The following COG2 variants were observed in gnomAD, a reference collection of about 807,000 sequenced individuals.
The protein encoded by COG2 is component of oligomeric golgi complex 2.
A neutral mutation model predicts 90.6 loss-of-function variants in COG2; 52 were observed. The ratio of observed to expected loss-of-function variants is 0.57; its 90% confidence interval spans 0.46 to 0.72. The LOEUF is 0.72. Ranked by LOEUF, COG2 falls within the 30% of genes least tolerant of loss-of-function variation. The probability of loss-of-function intolerance (pLI) is 0.00; values close to 1 mark genes in which losing one functional copy is unlikely to be tolerated. For synonymous variants in COG2, 337 were observed against 320.4 expected (o/e 1.05, Z -0.55); for missense variants, 829 against 891.2 (o/e 0.93, Z 0.89).
chr1:230,675,006 G>A lies in COG2; in HGVS notation c.908G>A (p.Gly303Asp), dbSNP rs1662549172. The stretch of plus-strand genomic sequence containing the variant: ...GTGCCCTTATTTTACAGTGAAAAAG[G>A]CAATACTGTTCCTGGATATGACTTT... The part of the protein sequence containing the change: ...VTGGAISSEK[G>D]NTVPGYDFLV... Residue 303 changes from glycine to aspartate, a missense_variant, in exon 9 of 18, where the codon GGC becomes GAC. Transcript: ENST00000366669. 6.2e-7 allele frequency: 1 copy of A among 1,608,334 alleles called. No individual in the cohort carries two copies. Among genetic ancestry groups the A allele is most frequent in the South Asian group, 1.1e-5 (1 of 89,674 alleles).
rs1236026918 is a variant in COG2 at position 230,688,494 on chromosome 1, A to C, written c.1726A>C (p.Ser576Arg). Residue 576 changes from serine (S) to arginine (R), a missense_variant, in exon 15 of 18, where the codon AGT becomes CGT. By Grantham distance (110) the Ser-to-Arg change is moderately radical. Transcript: ENST00000366669. Reference sequence around the variant, plus strand: ...GAGTAGCAAGATCATCCAGGATTTAAGTGACTCTTGCTTCGGTTTCCTAAA... The same window carrying C: ...GAGTAGCAAGATCATCCAGGATTTACGTGACTCTTGCTTCGGTTTCCTAAA... ...SLSSKIIQDL[S>R]DSCFGFLKSA... 6.2e-7 allele frequency: 1 copy of C among 1,614,116 alleles called. No individual in the cohort carries two copies. The highest frequency in any genetic ancestry group is 1.1e-5 in the South Asian group (1 of 91,070).
chr1:230,685,427 G>A (rs1418009167), intron 12 of COG2, among the ~76,000 whole-genome samples, 191 bp downstream of exon 12: 1 of 152,020 alleles, frequency 6.6e-6, no homozygotes, highest in African/African-American at 2.4e-5. Context: ...ATTGCATTTA[G>A]GGGTGTCTAT....
chr1:230,645,728 C>G (rs11122566), intron 1 of COG2, among the ~76,000 whole-genome samples: 108,875 of 152,098 alleles, frequency 0.72, 39,462 homozygotes, highest in East Asian at 0.95. Flanking sequence ...GGAGCTCTGA[C>G]CTTGTTTTCT....
intron 5 of COG2, among the ~76,000 whole-genome samples, chr1:230,668,289 A>G (rs1315853964): frequency 6.6e-6 from 1 of 152,074 alleles, no homozygotes; most frequent in African/African-American, 2.4e-5. Context: ...AGAGGGAAAT[A>G]GAAGGGAGGT....
In COG2 at chr1:230,691,538, C is replaced by T; in HGVS notation, c.2089C>T (p.Leu697=). ...DDDKIRLQLA[L]DVEYLGEQIQ... ...CGACAAAATCAGGCTGCAGTTGGCC[C>T]TAGATGTTGAGTACTTGGGAGAGCA... Residue 697 remains leucine (L), a synonymous_variant, in exon 17 of 18, where the codon CTA becomes TTA. Transcript: ENST00000366669. 1 of 1,614,008 alleles carries T rather than the reference C, an allele frequency of 6.2e-7. No individual in the cohort carries two copies. Among genetic ancestry groups the T allele is most frequent in the Non-Finnish European group, 8.5e-7 (1 of 1,179,988 alleles).
At chr1:230,649,445 A>T (rs760801009) in intron 1 of COG2, among the ~76,000 whole-genome samples, 3 of 152,168 alleles carry the variant, frequency 2.0e-5, no homozygotes, top group Non-Finnish European at 4.4e-5. Flanking sequence ...TGCCTTCATG[A>T]CATTCAGATC....
chr1:230,687,062 AG>A lies in COG2; in HGVS notation c.1509del (p.Lys503AsnfsTer31), dbSNP rs765135236. The A allele has an allele frequency of 6.8e-6, 11 of 1,613,052 alleles. No homozygotes were observed. The highest frequency in any genetic ancestry group is 4.0e-5 in the African/African-American group (3 of 74,904). ...CAAGGAAGTGGTCCTTCGGAAACAA[AG>A]CCTGTGGTTTCCATTTCCCGCACTC... ...EDQGSGPSET[K>X]PVVSISRTQL... On this transcript the variant is annotated frameshift_variant, in exon 13 of 18. Coordinates refer to ENST00000366669, the MANE Select transcript of COG2 (RefSeq NM_007357.3). LOFTEE classifies it high-confidence loss of function.
At position 230,675,088 on chromosome 1, in the gene COG2, G is replaced by C. The variant is rs144025811; in HGVS notation, c.990G>C (p.Ser330=). The change falls in exon 9 of 18, where the codon TCG becomes TCC. Residue 330 remains serine, a synonymous_variant. Coordinates refer to ENST00000366669, the MANE Select transcript of COG2 (RefSeq NM_007357.3). ...IVQGLEEKLP[S]LFNPGNPDAF... ...AAGGATTAGAAGAAAAGTTACCCTC[G>C]CTTTTTAATCCTGGGAATCCCGATG... The C allele has an allele frequency of 4.3e-6, 7 of 1,612,176 alleles. No homozygotes were observed. The African/African-American group carries it at 6.7e-5, about 15-fold the overall frequency.
rs1251782252 is a variant in COG2 at position 230,654,617 on chromosome 1, T to C, written c.73-4847T>C. Among the ~76,000 whole-genome samples the C allele has an allele frequency of 2.6e-5, 4 of 151,988 alleles. No individual in the cohort carries two copies. The East Asian group carries it at 7.7e-4, about 29-fold the overall frequency. On this transcript the variant is annotated intron_variant, in intron 1 of 17. Transcript: ENST00000366669. ...GCGAGCTCTTCTTTGAGAAGACTTT[T>C]TCCAATTCTGTGAAAAAAGTCAATG...
intron 10 of COG2, chr1:230,681,475 G>A (rs77412700): frequency 1.3e-5 from 2 of 151,836 alleles, no homozygotes; most frequent in Non-Finnish European, 2.9e-5. Flanking sequence ...ACTTAATGAT[G>A]TTTCCAATAC....
intron 1 of COG2, among the ~76,000 whole-genome samples, chr1:230,653,002 A>G (rs944285096): frequency 2.0e-5 from 3 of 152,106 alleles, no homozygotes; most frequent in African/African-American, 7.2e-5. Context: ...CCCTCTTTTT[A>G]TAGTGAGAAC....
At position 230,691,887 on chromosome 1, in the gene COG2, C is replaced by T. The variant is rs79056442; in HGVS notation, c.2115+323C>T. ...GTGCCTGATACTTAATTGGTGCGAACCCCAGGCTTTTGAAATGCTTGCTGG... is the reference window on the plus strand; with the variant it reads ...GTGCCTGATACTTAATTGGTGCGAATCCCAGGCTTTTGAAATGCTTGCTGG... On this transcript the variant is annotated intron_variant, in intron 17 of 17. Coordinates refer to ENST00000366669, the MANE Select transcript of COG2 (RefSeq NM_007357.3). 6.0e-3 allele frequency: 1,339 copies of T among 224,890 alleles called. 14 individuals carry two copies. Among genetic ancestry groups the T allele is most frequent in the African/African-American group, 0.028 (1,233 of 44,242 alleles). The allele number at this position is 224,890 out of a possible 1,614,324, so 13.9% of individuals were successfully genotyped here.
At chr1:230,689,185 A>G (rs991811316) in intron 15 of COG2, among the ~76,000 whole-genome samples, 7 of 146,874 alleles carry the variant, frequency 4.8e-5, no homozygotes, top group Non-Finnish European at 7.5e-5. Flanking sequence ...AAAAGTTTTT[A>G]TTAAAAAAAA....
intron 9 of COG2, 35 bp downstream of exon 9, chr1:230,675,159 T>A: frequency 6.3e-7 from 1 of 1,594,190 alleles, no homozygotes; most frequent in South Asian, 1.2e-5. Context: ...TTCTTGAAGA[T>A]GTTAACCGGA....
chr1:230,677,227 C>T (rs1662620570), intron 9 of COG2, among the ~76,000 whole-genome samples: 1 of 152,152 alleles, frequency 6.6e-6, no homozygotes, highest in African/African-American at 2.4e-5. Context: ...TGTCTAAACT[C>T]TTTTCCACCT....
In COG2 at chr1:230,659,525, T is replaced by G; in HGVS notation, c.134T>G (p.Leu45Arg). ...DCRKRVQLEELRDDLELYYKL... is the reference protein window; with the variant it reads ...DCRKRVQLEERRDDLELYYKL... ...AGGAAGCGGGTCCAGCTGGAAGAAC[T>G]GAGAGATGACCTGGAGCTCTACTAT... Residue 45 changes from leucine (L) to arginine (R), a missense_variant, in exon 2 of 18, where the codon CTG (leucine) becomes CGG (arginine). Leu to Arg is a moderately radical substitution (Grantham distance 102). Transcript: ENST00000366669. The G allele has an allele frequency of 6.2e-7, 1 of 1,613,972 alleles. No homozygotes were observed. The highest frequency in any genetic ancestry group is 8.5e-7 in the Non-Finnish European group (1 of 1,179,838).
chr1:230,680,230 A>G (rs546684779), intron 10 of COG2: 1 of 152,360 alleles, frequency 6.6e-6, no homozygotes, highest in South Asian at 2.1e-4. Flanking sequence ...ATAAAATGAT[A>G]CTGCTATGTA....
Position 230,693,324 on chromosome 1 carries a change from A to T in COG2, c.2148A>T (p.Ile716=), listed in dbSNP as rs750436455. The T allele has an allele frequency of 1.9e-6, 3 of 1,613,666 alleles. No individual in the cohort carries two copies. The highest frequency in any genetic ancestry group is 1.7e-6 in the Non-Finnish European group (2 of 1,179,632). ...AGTTGGGACTACAAGCAAGTGACAT[A>T]AAAAGCTTCTCAGCTCTCGCAGAGC... ...IQKLGLQASD[I]KSFSALAELV... is the part of the protein sequence containing the mutation. Residue 716 remains isoleucine (I), a synonymous_variant, in exon 18 of 18, where the codon ATA becomes ATT. Transcript: ENST00000366669.
At chr1:230,691,972 A>G (rs997680995) in intron 17 of COG2, among the ~76,000 whole-genome samples, 4 of 152,162 alleles carry the variant, frequency 2.6e-5, no homozygotes, top group Non-Finnish European at 5.9e-5. Context: ...TCCTTTGAGC[A>G]TAACTTCTCT....
Sources: allele counts gnomAD v4.1 joint callset (sites outside exome capture counted in the v4.1 genomes callset), GRCh38; gene constraint gnomAD v4.1.1; transcripts MANE v1.5; gene names NCBI Gene and HGNC (gene_info 2026-07-23, HGNC 2026-07-21).